Variants in PPFIA2 observed in about 807,000 individuals in gnomAD.
PPFIA2 encodes the protein PPFI scaffold protein A2.
Under a neutral mutation model 175.5 loss-of-function variants are expected in PPFIA2, and 46 were observed. That is an observed-to-expected ratio of 0.26 (90% CI 0.21 to 0.34). The LOEUF (loss-of-function observed/expected upper bound fraction) is 0.34. PPFIA2 is among the 10% of genes least tolerant of loss of function. The pLI, the probability that PPFIA2 is intolerant of heterozygous loss-of-function variation, is 1.00. For synonymous variants in PPFIA2, 568 were observed against 511.4 expected (o/e 1.11, Z -1.49); for missense variants, 1,179 against 1,506.1 (o/e 0.78, Z 3.60).
intron 4 of PPFIA2, among the ~76,000 whole-genome samples, chr12:81,659,261 G>A (rs915887351): frequency 1.1e-4 from 16 of 152,182 alleles, no homozygotes; most frequent in African/African-American, 2.9e-4. Context: ...GAAGCAGGGC[G>A]AGGCATCACC....
chr12:81,533,883 T>C (rs2065004563), intron 4 of PPFIA2, among the ~76,000 whole-genome samples: 1 of 151,470 alleles, frequency 6.6e-6, no homozygotes, highest in African/African-American at 2.4e-5. Flanking sequence ...TAATATCATA[T>C]TTGTCTTTAA....
At chr12:81,480,322 A>T (rs957615484) in intron 4 of PPFIA2, among the ~76,000 whole-genome samples, 1 of 151,656 alleles carries the variant, frequency 6.6e-6, no homozygotes, top group Non-Finnish European at 1.5e-5. Context: ...ACCTTTTTTC[A>T]AGGTTCTTAG....
At chr12:81,519,878 C>A (rs2148020366) in intron 4 of PPFIA2, among the ~76,000 whole-genome samples, 1 of 152,292 alleles carries the variant, frequency 6.6e-6, no homozygotes, top group African/African-American at 2.4e-5. Flanking sequence ...TTATATATGT[C>A]TTTCCCTGTA....
intron 4 of PPFIA2, among the ~76,000 whole-genome samples, chr12:81,589,489 T>C (rs1449191715): frequency 6.6e-6 from 1 of 152,056 alleles, no homozygotes. Context: ...TGAGGGGGTG[T>C]AGTTAAATAA....
At chr12:81,294,139 A>G (rs925411374) in intron 24 of PPFIA2, among the ~76,000 whole-genome samples, 1 of 152,072 alleles carries the variant, frequency 6.6e-6, no homozygotes, top group African/African-American at 2.4e-5. Flanking sequence ...GGAGACTCCA[A>G]AAGGGAAGAG....
intron 16 of PPFIA2, among the ~76,000 whole-genome samples, chr12:81,353,611 A>G (rs1163102476): frequency 6.6e-6 from 1 of 152,200 alleles, no homozygotes; most frequent in Non-Finnish European, 1.5e-5. Flanking sequence ...ATTCCAAGGT[A>G]ACAATTACTT....
chr12:81,434,243 T>C (rs1209473053), intron 7 of PPFIA2, among the ~76,000 whole-genome samples: 1 of 152,076 alleles, frequency 6.6e-6, no homozygotes, highest in Non-Finnish European at 1.5e-5. Context: ...ATTGTTAACA[T>C]ATATTAATAT....
intron 4 of PPFIA2, among the ~76,000 whole-genome samples, chr12:81,514,773 T>C (rs766024787): frequency 1.1e-4 from 16 of 151,960 alleles, no homozygotes; most frequent in Non-Finnish European, 1.6e-4. Flanking sequence ...TAAATTATCC[T>C]GCATGGGCTA....
chr12:81,621,477 T>C (rs576718502), intron 4 of PPFIA2, among the ~76,000 whole-genome samples: 33 of 152,310 alleles, frequency 2.2e-4, no homozygotes, highest in Non-Finnish European at 1.5e-4. Context: ...ACTGAATAAA[T>C]GACCAAGATT....
In PPFIA2 at chr12:81,486,166, A is replaced by G. The variant is rs535320165; in HGVS notation, c.304-28300T>C. On this transcript the variant is annotated intron_variant, in intron 4 of 32. Coordinates refer to ENST00000549396, the MANE Select transcript of PPFIA2 (RefSeq NM_003625.5). ...GCACTTAATATGTATCAGCTTATTG[A>G]CTATAAACAATAACCATATGGTGTT... 3.9e-5 allele frequency among the ~76,000 whole-genome samples: 6 copies of G among 152,010 alleles called. No homozygotes were observed. The East Asian group carries it at 1.2e-3, about 29-fold the overall frequency.
chr12:81,636,326 C>T (rs1235036142), intron 4 of PPFIA2, among the ~76,000 whole-genome samples: 4 of 139,536 alleles, frequency 2.9e-5, no homozygotes, highest in Non-Finnish European at 4.5e-5. Context: ...AGTGCAGTGG[C>T]GGGATCTCGG....
chr12:81,357,683 A>G (rs1219853281), intron 16 of PPFIA2, among the ~76,000 whole-genome samples: 1 of 152,200 alleles, frequency 6.6e-6, no homozygotes, highest in Non-Finnish European at 1.5e-5. Context: ...TCAAAAGACT[A>G]CATGTTTGGC....
chr12:81,326,699 T>C (rs1443471914), intron 21 of PPFIA2, among the ~76,000 whole-genome samples: 2 of 152,112 alleles, frequency 1.3e-5, no homozygotes, highest in South Asian at 2.1e-4. Context: ...AATTAATTCA[T>C]AAATTATCTG....
At chr12:81,559,990 G>A (rs1459899315) in intron 4 of PPFIA2, among the ~76,000 whole-genome samples, 1 of 151,914 alleles carries the variant, frequency 6.6e-6, no homozygotes, top group African/African-American at 2.4e-5. Flanking sequence ...GATATAACAC[G>A]TTATTACACT....
At chr12:81,740,117 T>C (rs952750863) in intron 3 of PPFIA2, among the ~76,000 whole-genome samples, 1 of 152,160 alleles carries the variant, frequency 6.6e-6, no homozygotes, top group East Asian at 1.9e-4. Context: ...TTGGGGAAAT[T>C]TGTTCTAATT....
chr12:81,449,611 A>G lies in PPFIA2; in HGVS notation c.406-3891T>C, dbSNP rs1445662292. ...ATCATTTAGAAGTAGCTGAACTTAT[A>G]GAATGGTTAAATAAGCCAAGACTTT... On this transcript the variant is annotated intron_variant, in intron 5 of 32. Transcript: ENST00000549396. Among the ~76,000 whole-genome samples, 3 of 152,114 alleles carry G rather than the reference A, an allele frequency of 2.0e-5. No individual in the cohort carries two copies. In the East Asian group the frequency reaches 5.8e-4, roughly 29 times the overall value.
chr12:81,267,212 T>C, intron 29 of PPFIA2, 192 bp from the exon 30 acceptor site: 4 of 573,588 alleles, frequency 7.0e-6, no homozygotes, highest in Non-Finnish European at 1.3e-5. Context: ...TTTTTTTTTT[T>C]CTGTGAACAG....
chr12:81,698,900 T>C (rs1184227288), intron 3 of PPFIA2, among the ~76,000 whole-genome samples: 5 of 152,132 alleles, frequency 3.3e-5, no homozygotes, highest in African/African-American at 1.2e-4. Flanking sequence ...ACAATTAACA[T>C]TTGTTGTAAT....
chr12:81,700,212 G>A (rs1372000262), intron 3 of PPFIA2, among the ~76,000 whole-genome samples: 2 of 151,824 alleles, frequency 1.3e-5, no homozygotes, highest in African/African-American at 4.8e-5. Context: ...CACTAGCAAT[G>A]ATATATACTG....
Sources: gnomAD v4.1 joint callset for allele counts (sites outside exome capture counted in the v4.1 genomes callset) on GRCh38, gnomAD v4.1.1 for gene constraint, MANE v1.5 for transcripts, NCBI Gene and HGNC (gene_info 2026-07-23, HGNC 2026-07-21) for gene names.